Variants in DAPK1 observed in about 807,000 individuals in gnomAD.
DAPK1 encodes the protein death associated protein kinase 1.
In DAPK1, 56 loss-of-function variants were observed where a neutral mutation model predicts 144.9. The observed-to-expected ratio is 0.39, with a 90% CI of 0.31 to 0.48. The LOEUF (loss-of-function observed/expected upper bound fraction) is 0.48, where lower values mean the gene tolerates loss of function less well. Ranked by LOEUF, DAPK1 falls within the 20% of genes least tolerant of loss-of-function variation. The pLI is 0.95. For missense variants in DAPK1, 1,454 were observed against 1,875.4 expected (o/e 0.78, Z 4.15); for synonymous variants, 690 against 749.0 (o/e 0.92, Z 1.29).
At chr9:87,654,293 C>T (rs559619305) in intron 17 of DAPK1, among the ~76,000 whole-genome samples, 12 of 152,174 alleles carry the variant, frequency 7.9e-5, no homozygotes, top group African/African-American at 2.2e-4. Context: ...TATGCCATTA[C>T]GATTATGCTA....
intron 2 of DAPK1, among the ~76,000 whole-genome samples, chr9:87,604,693 G>C (rs564822529): frequency 1.3e-5 from 2 of 152,154 alleles, no homozygotes; most frequent in Non-Finnish European, 2.9e-5. Flanking sequence ...AGGGAAGGAG[G>C]AGAGGACAGA....
intron 2 of DAPK1, among the ~76,000 whole-genome samples, chr9:87,591,923 T>C (rs953135584): frequency 6.6e-6 from 1 of 152,196 alleles, no homozygotes; most frequent in African/African-American, 2.4e-5. Context: ...GTCAGTACCC[T>C]GGAGTAGAAA....
At chr9:87,683,151 C>T (rs997791251) in intron 20 of DAPK1, among the ~76,000 whole-genome samples, 2 of 149,102 alleles carry the variant, frequency 1.3e-5, no homozygotes, top group South Asian at 2.1e-4. Flanking sequence ...GGTGTGATCT[C>T]GGCTCACTGC....
chr9:87,550,549 C>T (rs1826438743), intron 2 of DAPK1, among the ~76,000 whole-genome samples: 1 of 152,248 alleles, frequency 6.6e-6, no homozygotes, highest in African/African-American at 2.4e-5. Flanking sequence ...CCCCTAAGGA[C>T]CTATGGTCCT....
At chr9:87,528,842 A>G (rs1214995062) in intron 2 of DAPK1, among the ~76,000 whole-genome samples, 1 of 144,502 alleles carries the variant, frequency 6.9e-6, no homozygotes, top group Non-Finnish European at 1.5e-5. Context: ...ACTGCACTCC[A>G]GCCTGGGTGA....
At chr9:87,520,394 TC>T in intron 2 of DAPK1, among the ~76,000 whole-genome samples, 1 of 152,144 alleles carries the variant, frequency 6.6e-6, no homozygotes, top group South Asian at 2.1e-4. Flanking sequence ...AGCCAAGTCC[TC>T]CCTGTTCAGA....
In DAPK1 at chr9:87,497,912, A is replaced by C. The variant is rs1165294109; in HGVS notation, c.-304A>C. 2.5e-6 allele frequency: 1 copy of C among 393,854 alleles called. No homozygotes were observed. Among genetic ancestry groups the C allele is most frequent in the African/African-American group, 2.1e-5 (1 of 48,402 alleles). 24.4% of individuals were successfully genotyped at this position (393,854 alleles called of 1,614,324 possible). On this transcript the variant is annotated 5_prime_UTR_variant, in exon 1 of 26. Coordinates refer to ENST00000408954, the MANE Select transcript of DAPK1 (RefSeq NM_004938.4). ...CAGCCGGACCGAGCCAACGCCGGGGACTTTGTTCCCTCCGCGGAGGGGACT... is the reference window on the plus strand; with the variant it reads ...CAGCCGGACCGAGCCAACGCCGGGGCCTTTGTTCCCTCCGCGGAGGGGACT...
chr9:87,511,096 C>T (rs963977728), intron 2 of DAPK1, among the ~76,000 whole-genome samples: 5 of 152,162 alleles, frequency 3.3e-5, no homozygotes, highest in African/African-American at 1.2e-4. Flanking sequence ...GGTGAGGGCT[C>T]ACTTCTCCTC....
intron 3 of DAPK1, among the ~76,000 whole-genome samples, chr9:87,610,705 A>T (rs1828892649): frequency 1.3e-5 from 2 of 152,228 alleles, no homozygotes; most frequent in South Asian, 4.1e-4. Context: ...GGGATGCACC[A>T]GCCGTGGAGA....
At chr9:87,637,822 G>A in intron 3 of DAPK1, 121 bp from the exon 4 acceptor site, 2 of 1,092,154 alleles carry the variant, frequency 1.8e-6, no homozygotes, top group South Asian at 2.0e-5. Flanking sequence ...ATGCTTGGCG[G>A]TTTCAGCATA....
rs541328415 is a variant in DAPK1 at position 87,504,044 on chromosome 9, A to G, written c.62+4905A>G. Among the ~76,000 whole-genome samples the G allele has an allele frequency of 2.6e-5, 4 of 152,290 alleles. No homozygotes were observed. The East Asian group carries it at 5.8e-4, about 22-fold the overall frequency. On this transcript the variant is annotated intron_variant, in intron 2 of 25. Transcript: ENST00000408954. ...ATTGCAGGAGTCAGTCCTATGAATA[A>G]TGGCAACCCTGTGTGGCTCATAGAA...
intron 2 of DAPK1, among the ~76,000 whole-genome samples, chr9:87,528,944 T>G (rs914625315): frequency 6.6e-6 from 1 of 150,876 alleles, no homozygotes; most frequent in Non-Finnish European, 1.5e-5. Context: ...TATACCCTGG[T>G]ATATGACCTT....
chr9:87,632,483 A>G, intron 3 of DAPK1: 2 of 980,742 alleles, frequency 2.0e-6, no homozygotes, highest in Non-Finnish European at 2.4e-6. Context: ...AAGGGTGATC[A>G]GTATATATGT....
chr9:87,664,206 T>C (rs1830968640), intron 18 of DAPK1, among the ~76,000 whole-genome samples: 1 of 152,054 alleles, frequency 6.6e-6, no homozygotes, highest in Admixed American at 6.6e-5. Flanking sequence ...CCTTCCCCTC[T>C]TCTCCCCTTC....
chr9:87,579,704 T>A (rs946219073), intron 2 of DAPK1, among the ~76,000 whole-genome samples: 1 of 152,196 alleles, frequency 6.6e-6, no homozygotes, highest in Non-Finnish European at 1.5e-5. Flanking sequence ...AAGTGATTCA[T>A]CTATTTCTGT....
chr9:87,640,319 T>G lies in DAPK1; in HGVS notation c.651T>G (p.Phe217Leu). 1 of 1,614,028 alleles carries G rather than the reference T, an allele frequency of 6.2e-7. No homozygotes were observed. Among genetic ancestry groups the G allele is most frequent in the Non-Finnish European group, 8.5e-7 (1 of 1,179,962 alleles). The change falls in exon 8 of 26, where the codon TTT (phenylalanine) becomes TTG (leucine). Residue 217 changes from phenylalanine to leucine, a missense_variant. By Grantham distance (22) the Phe-to-Leu change is conservative (BLOSUM62 0). This residue lies in a region of DAPK1 where 429 missense variants were observed against 637.5 expected (regional missense o/e 0.67). Coordinates refer to ENST00000408954, the MANE Select transcript of DAPK1 (RefSeq NM_004938.4). The part of the protein sequence containing the change: ...TYILLSGASP[F>L]LGDTKQETLA... ...ACAGCCTAAGTGGGGCCTCCCCATTTCTTGGAGACACTAAGCAAGAAACGT... is the reference window on the plus strand; with the variant it reads ...ACAGCCTAAGTGGGGCCTCCCCATTGCTTGGAGACACTAAGCAAGAAACGT...
At chr9:87,564,662 AAAAG>A (rs374784183) in intron 2 of DAPK1, among the ~76,000 whole-genome samples, 61 of 151,546 alleles carry the variant, frequency 4.0e-4, no homozygotes, top group Middle Eastern at 6.8e-3. Flanking sequence ...GAGATTGAGA[AAAAG>A]AAAGAGAGAG....
intron 15 of DAPK1, 30 bp from the exon 16 acceptor site, chr9:87,649,891 C>G (rs1442633889): frequency 6.2e-7 from 1 of 1,609,344 alleles, no homozygotes; most frequent in East Asian, 2.2e-5. Context: ...ATTGTGTTCT[C>G]CTCCTCTCTG....
intron 24 of DAPK1, 92 bp from the exon 25 acceptor site, chr9:87,702,937 C>T (rs1439432681): frequency 3.1e-6 from 2 of 653,446 alleles, no homozygotes; most frequent in East Asian, 2.5e-5. Flanking sequence ...ACCTGCAAGG[C>T]GCCTGAATGA....
Sources: gnomAD v4.1 joint callset for allele counts (sites outside exome capture counted in the v4.1 genomes callset) on GRCh38, gnomAD v4.1.1 for gene constraint, gnomAD v4.1.1 regional missense constraint, MANE v1.5 for transcripts, NCBI Gene and HGNC (gene_info 2026-07-23, HGNC 2026-07-21) for gene names.